The following GALNT17 variants were observed in gnomAD, a reference collection of about 807,000 sequenced individuals.
GALNT17 encodes the protein polypeptide N-acetylgalactosaminyltransferase 17, also known as UDP-GalNAc:polypeptide N-acetylgalactosaminyltransferase-like 3.
GALNT17 carries 29 observed loss-of-function variants against 63.7 expected under a neutral mutation model. The observed-to-expected ratio is 0.46, with a 90% CI of 0.34 to 0.62. The LOEUF (loss-of-function observed/expected upper bound fraction) is 0.62, where lower values mean the gene tolerates loss of function less well. Among genes scored for constraint, GALNT17 ranks in the 20% least tolerant of loss-of-function variants. The probability of loss-of-function intolerance (pLI) is 0.01; values close to 1 mark genes in which losing one functional copy is unlikely to be tolerated. For synonymous variants in GALNT17, 305 were observed against 318.3 expected, an observed-to-expected ratio of 0.96 and a Z score of 0.45; for missense variants, 603 against 799.6, an observed-to-expected ratio of 0.75 and a Z score of 2.97.
intron 9 of GALNT17, among the ~76,000 whole-genome samples, chr7:71,696,602 C>T (rs899178928): frequency 1.3e-5 from 2 of 152,146 alleles, no homozygotes; most frequent in Non-Finnish European, 2.9e-5. Context: ...CTATAACCTG[C>T]GTATTCTAGT....
chr7:71,542,098 G>A (rs934759091), intron 5 of GALNT17, among the ~76,000 whole-genome samples: 12 of 152,204 alleles, frequency 7.9e-5, no homozygotes, highest in Admixed American at 2.0e-4. Context: ...GAACCGGATC[G>A]TGCAGGTGAA....
At chr7:71,450,521 C>G (rs577562811) in intron 5 of GALNT17, among the ~76,000 whole-genome samples, 1 of 152,194 alleles carries the variant, frequency 6.6e-6, no homozygotes, top group South Asian at 2.1e-4. Flanking sequence ...AAAAAGACAG[C>G]CTTGGTGAGA....
intron 6 of GALNT17, among the ~76,000 whole-genome samples, chr7:71,612,332 G>A (rs1341264509): frequency 2.0e-5 from 3 of 152,000 alleles, no homozygotes; most frequent in Admixed American, 6.6e-5. Flanking sequence ...CTGAAGAATT[G>A]GGCATATGGA....
At chr7:71,658,751 G>A (rs1041192466) in intron 6 of GALNT17, among the ~76,000 whole-genome samples, 6 of 151,996 alleles carry the variant, frequency 3.9e-5, no homozygotes, top group Non-Finnish European at 2.9e-5. Flanking sequence ...AGCCGTCCAC[G>A]GTGGCACACG....
At chr7:71,177,279 T>C (rs1788656746) in intron 1 of GALNT17, among the ~76,000 whole-genome samples, 1 of 152,132 alleles carries the variant, frequency 6.6e-6, no homozygotes, top group Non-Finnish European at 1.5e-5. Context: ...GAGCCATATG[T>C]CCTTGATCAA....
chr7:71,512,559 G>A (rs147277384), intron 5 of GALNT17, among the ~76,000 whole-genome samples: 7 of 152,272 alleles, frequency 4.6e-5, no homozygotes, highest in African/African-American at 1.7e-4. Flanking sequence ...TGTTCAAGAC[G>A]GCAACGTTGC....
chr7:71,346,724 TTA>T (rs1412325627), intron 2 of GALNT17, among the ~76,000 whole-genome samples: 1 of 124,384 alleles, frequency 8.0e-6, no homozygotes, highest in Non-Finnish European at 1.6e-5. Flanking sequence ...AGTGGACAGT[TTA>T]TCTAGGGAAT....
At chr7:71,464,705 T>G (rs1356727596) in intron 5 of GALNT17, among the ~76,000 whole-genome samples, 1 of 152,116 alleles carries the variant, frequency 6.6e-6, no homozygotes, top group East Asian at 1.9e-4. Context: ...GGCTCCCCAC[T>G]TGGTCCGTGG....
At chr7:71,291,073 C>T (rs1331275374) in intron 1 of GALNT17, among the ~76,000 whole-genome samples, 2 of 152,168 alleles carry the variant, frequency 1.3e-5, no homozygotes, top group Admixed American at 6.5e-5. Context: ...TGGTACCCAG[C>T]TTAAGTGCCC....
intron 6 of GALNT17, among the ~76,000 whole-genome samples, chr7:71,630,407 C>T (rs1790438774): frequency 6.6e-6 from 1 of 152,146 alleles, no homozygotes; most frequent in Non-Finnish European, 1.5e-5. Flanking sequence ...CCATAAGGCC[C>T]CCAGTGCACT....
chr7:71,478,581 G>A (rs1380141130), intron 5 of GALNT17, among the ~76,000 whole-genome samples: 1 of 152,130 alleles, frequency 6.6e-6, no homozygotes, highest in African/African-American at 2.4e-5. Flanking sequence ...CTCCCAAAGT[G>A]CTGGGTTATC....
intron 1 of GALNT17, among the ~76,000 whole-genome samples, chr7:71,259,786 T>G (rs1790353452): frequency 6.6e-6 from 1 of 151,788 alleles, no homozygotes; most frequent in Non-Finnish European, 1.5e-5. Flanking sequence ...GGACTACAGG[T>G]GCCCACCACC....
At chr7:71,296,616 A>T (rs1791084119) in intron 1 of GALNT17, among the ~76,000 whole-genome samples, 1 of 121,628 alleles carries the variant, frequency 8.2e-6, no homozygotes, top group Non-Finnish European at 1.7e-5. Flanking sequence ...ACTCCATCTA[A>T]AAAAAAAAAC....
rs1420132863 is a variant in GALNT17 at position 71,144,497 on chromosome 7, C to T, written c.238+11457C>T. ...GATGCTAAGAGTACAAGAGGTCACA[C>T]CTATCTAGACATTGTCATCTAATTG... On this transcript the variant is annotated intron_variant, in intron 1 of 10. Transcript: ENST00000333538. Among the ~76,000 whole-genome samples, 5 of 152,104 alleles carry T rather than the reference C, an allele frequency of 3.3e-5. No individual in the cohort carries two copies. In the South Asian group the frequency reaches 1.0e-3, roughly 32 times the overall value.
intron 5 of GALNT17, among the ~76,000 whole-genome samples, chr7:71,554,250 G>A (rs1199492532): frequency 6.6e-6 from 1 of 152,184 alleles, no homozygotes; most frequent in Admixed American, 6.5e-5. Flanking sequence ...CTGGGGACGG[G>A]TTTTTCCCAT....
intron 5 of GALNT17, among the ~76,000 whole-genome samples, chr7:71,516,794 T>C (rs1238320579): frequency 2.0e-5 from 3 of 152,164 alleles, no homozygotes; most frequent in Non-Finnish European, 4.4e-5. Context: ...TGGAGCAGCA[T>C]CTCTGCTCTA....
At chr7:71,499,885 C>T (rs1342382984) in intron 5 of GALNT17, among the ~76,000 whole-genome samples, 2 of 152,144 alleles carry the variant, frequency 1.3e-5, no homozygotes, top group African/African-American at 2.4e-5. Flanking sequence ...TGGTTACCCC[C>T]ATGCTGCTGT....
chr7:71,512,777 A>G (rs560162301), intron 5 of GALNT17, among the ~76,000 whole-genome samples: 5 of 152,306 alleles, frequency 3.3e-5, no homozygotes, highest in Admixed American at 2.0e-4. Flanking sequence ...AACCAGGCAC[A>G]AACTTGTCTC....
rs149800860 is a variant in GALNT17 at position 71,502,444 on chromosome 7, G to C, written c.963-68841G>C. 2.3e-4 allele frequency among the ~76,000 whole-genome samples: 35 copies of C among 152,324 alleles called. No individual in the cohort carries two copies. The East Asian group carries it at 6.7e-3, about 29-fold the overall frequency. On this transcript the variant is annotated intron_variant, in intron 5 of 10. Transcript: ENST00000333538. ...TTAGGTCATCCTTTAACATCTGTCA[G>C]ATATGTCCTTCTTCACATGATGGCA...
Sources: gnomAD v4.1 joint callset for allele counts (sites outside exome capture counted in the v4.1 genomes callset) on GRCh38, gnomAD v4.1.1 for gene constraint, MANE v1.5 for transcripts, NCBI Gene and HGNC (gene_info 2026-07-23, HGNC 2026-07-21) for gene names.